FUNDC2: variants seen among roughly 807,000 people sequenced by gnomAD.
FUNDC2 encodes FUN14 domain containing 2.
In FUNDC2, 4 loss-of-function variants were observed where a neutral mutation model predicts 15.6. The observed-to-expected ratio is 0.26, with a 90% confidence interval of 0.13 to 0.59. FUNDC2 has a LOEUF of 0.59. Ranked by LOEUF, FUNDC2 falls within the 20% of genes least tolerant of loss-of-function variation. The probability of loss-of-function intolerance (pLI) is 0.90; values close to 1 mark genes in which losing one functional copy is unlikely to be tolerated. For synonymous variants in FUNDC2, 44 were observed against 56.9 expected, an observed-to-expected ratio of 0.77 and a Z score of 1.02; for missense variants, 98 against 149.7, an observed-to-expected ratio of 0.65 and a Z score of 1.80.
chrX:155,042,432 C>T (rs1557289706), intron 2 of FUNDC2, among the ~76,000 whole-genome samples: 2 of 110,052 alleles, frequency 1.8e-5, no homozygotes, highest in African/African-American at 3.3e-5. Flanking sequence ...GGTGATCCTC[C>T]TGCCTCAGCC....
rs1370708840 is a variant in FUNDC2, at chrX:155,059,101, T to C, written c.*4429T>C. 4.5e-5 allele frequency: 5 copies of C among 112,160 alleles called. No individual in the cohort carries two copies. Among genetic ancestry groups the C allele is most frequent in the African/African-American group, 6.5e-5 (2 of 30,806 alleles). The allele number at this position is 112,160 out of a possible 1,213,427, so 9.2% of individuals were successfully genotyped here. A position where few individuals can be genotyped will look rare whatever the true frequency, so the allele number is the denominator to read the frequency against. ...TTTAAAGTGTCTTAGCTTTTTCTAA[T>C]GAGCAGCAGAGACTGAGAACCACTG... On this transcript the variant is annotated 3_prime_UTR_variant, in exon 5 of 5. Coordinates refer to ENST00000369498, the MANE Select transcript of FUNDC2 (RefSeq NM_023934.4).
At chrX:155,041,343 CTTA>C (rs1156302454) in intron 2 of FUNDC2, among the ~76,000 whole-genome samples, 10 of 111,467 alleles carry the variant, frequency 9.0e-5, no homozygotes, top group African/African-American at 2.9e-4. Flanking sequence ...ATAATACATT[CTTA>C]TTATTTTTGC....
At chrX:155,043,989 C>G (rs782047567) in intron 2 of FUNDC2, among the ~76,000 whole-genome samples, 19 of 112,120 alleles carry the variant, frequency 1.7e-4, no homozygotes, top group African/African-American at 6.2e-4. Flanking sequence ...TTAACTTTCT[C>G]TCTTAGTGAG....
At position 155,055,822 on chromosome X, in the gene FUNDC2, G is replaced by T. The variant is rs2073893054; in HGVS notation, c.*1150G>T. On this transcript the variant is annotated 3_prime_UTR_variant, in exon 5 of 5. Coordinates refer to ENST00000369498, the MANE Select transcript of FUNDC2 (RefSeq NM_023934.4). ...TATTTGAATAATGACTTTATAGAAAGAAAACTCACTATTAAAGGTTAGTTT... is the reference window on the plus strand; with the variant it reads ...TATTTGAATAATGACTTTATAGAAATAAAACTCACTATTAAAGGTTAGTTT... 8.9e-6 allele frequency: 1 copy of T among 112,232 alleles called. No homozygotes were observed. The highest frequency in any genetic ancestry group is 3.3e-5 in the African/African-American group (1 of 30,755). 9.2% of individuals were successfully genotyped at this position (112,232 alleles called of 1,213,427 possible).
At chrX:155,031,144 G>T (rs781897135) in intron 1 of FUNDC2, among the ~76,000 whole-genome samples, 4 of 110,874 alleles carry the variant, frequency 3.6e-5, no homozygotes, top group Admixed American at 9.5e-5. Flanking sequence ...TTTCCATGTG[G>T]CATCATTTCT....
chrX:155,031,575 C>T (rs1246771723), intron 1 of FUNDC2, among the ~76,000 whole-genome samples: 1 of 112,644 alleles, frequency 8.9e-6, no homozygotes, highest in Non-Finnish European at 1.9e-5. Flanking sequence ...AGTGATCCGT[C>T]CCCCAGGCTT....
At chrX:155,032,121 G>C (rs887428713) in intron 1 of FUNDC2, among the ~76,000 whole-genome samples, 13 of 108,948 alleles carry the variant, frequency 1.2e-4, no homozygotes, top group Non-Finnish European at 1.7e-4. Context: ...GATTACAGGC[G>C]CATGCCACCA....
Position 155,055,121 on chromosome X carries a change from C to T in FUNDC2, c.*449C>T, listed in dbSNP as rs1268040849. On this transcript the variant is annotated 3_prime_UTR_variant, in exon 5 of 5. Transcript: ENST00000369498. ...CTTTAAGCATGAAAGATTTTGGTAT[C>T]TTGGTGTCTACTTTCTTTTTTAGTT... 3.4e-6 allele frequency: 1 copy of T among 296,283 alleles called. No individual in the cohort carries two copies. Among genetic ancestry groups the T allele is most frequent in the Non-Finnish European group, 5.9e-6 (1 of 170,527 alleles). The allele number at this position is 296,283 out of a possible 1,213,427, so 24.4% of individuals were successfully genotyped here.
Position 155,027,060 on chromosome X carries a change from C to A in FUNDC2, c.122C>A (p.Ala41Glu), listed in dbSNP as rs782698863. The change falls in exon 1 of 5, where the codon GCG becomes GAG. Residue 41 changes from alanine to glutamate, a missense_variant. Transcript: ENST00000369498. ...SSRDKLTEMA[A>E]SSQGNFEGNF... is the part of the protein sequence containing the mutation. ...CGAGACAAGCTCACCGAAATGGCCG[C>A]GTCCAGTCAAGGTAAGGGCGGGCGC... The A allele has an allele frequency of 5.9e-6, 7 of 1,184,106 alleles. No homozygotes were observed. The African/African-American group carries it at 7.1e-5, about 12-fold the overall frequency.
chrX:155,041,130 A>T (rs1482513029), intron 2 of FUNDC2, among the ~76,000 whole-genome samples: 2 of 110,972 alleles, frequency 1.8e-5, no homozygotes, highest in Non-Finnish European at 3.8e-5. Context: ...TTTCATAATT[A>T]TGTCCTTTGT....
intron 2 of FUNDC2, among the ~76,000 whole-genome samples, chrX:155,044,214 G>A (rs1557289847): frequency 1.8e-5 from 2 of 112,082 alleles, no homozygotes; most frequent in African/African-American, 6.5e-5. Flanking sequence ...AGGACTGTAT[G>A]AGCTGCTATA....
rs1569560258 is a variant in FUNDC2 at position 155,056,629 on chromosome X, T to C, written c.*1957T>C. On this transcript the variant is annotated 3_prime_UTR_variant, in exon 5 of 5. Transcript: ENST00000369498. Reference sequence around the variant, plus strand: ...TTCCTGCTTCCCCACACTCTGCCTCTCCTGACATCTGGGTCTCTGGGTTAT... The same window carrying C: ...TTCCTGCTTCCCCACACTCTGCCTCCCCTGACATCTGGGTCTCTGGGTTAT... 9.0e-6 allele frequency: 1 copy of C among 110,578 alleles called. No individual in the cohort carries two copies. The highest frequency in any genetic ancestry group is 9.6e-5 in the Admixed American group (1 of 10,369). 9.1% of individuals were successfully genotyped at this position (110,578 alleles called of 1,213,427 possible). A position where few individuals can be genotyped will look rare whatever the true frequency, so the allele number is the denominator to read the frequency against.
intron 3 of FUNDC2, chrX:155,049,477 T>G (rs968270221): frequency 5.3e-5 from 6 of 113,184 alleles, no homozygotes; most frequent in Admixed American, 4.6e-4. Context: ...ACACACTGTC[T>G]TGACTACTGT....
chrX:155,033,609 A>AC, intron 2 of FUNDC2, 56 bp downstream of exon 2: 1 of 1,093,734 alleles, frequency 9.1e-7, no homozygotes, highest in Non-Finnish European at 1.3e-6. Context: ...TATTGCAGTT[A>AC]TAGGTACCAT....
rs1417925482 is a variant in FUNDC2, at chrX:155,056,302, A to G, written c.*1630A>G. On this transcript the variant is annotated 3_prime_UTR_variant, in exon 5 of 5. Coordinates refer to ENST00000369498, the MANE Select transcript of FUNDC2 (RefSeq NM_023934.4). ...AAATATCAAAATGTCATTTTATCAT[A>G]TTTCAGTATGTATCTCTAAAAGGTA... The G allele has an allele frequency of 8.9e-5, 10 of 111,786 alleles. No individual in the cohort carries two copies. Among genetic ancestry groups the G allele is most frequent in the Admixed American group, 4.7e-4 (5 of 10,554 alleles). 9.2% of individuals were successfully genotyped at this position (111,786 alleles called of 1,213,427 possible).
chrX:155,032,039 G>A (rs1470551959), intron 1 of FUNDC2, among the ~76,000 whole-genome samples: 1 of 108,105 alleles, frequency 9.3e-6, no homozygotes, highest in Non-Finnish European at 1.9e-5. Context: ...GAAGTGGCGC[G>A]ATCTCGGCTC....
rs1183916245 is a variant in FUNDC2, at chrX:155,056,482, C to T, written c.*1810C>T. 9.2e-6 allele frequency: 1 copy of T among 108,916 alleles called. No individual in the cohort carries two copies. The highest frequency in any genetic ancestry group is 3.4e-5 in the African/African-American group (1 of 29,806). 9.0% of individuals were successfully genotyped at this position (108,916 alleles called of 1,213,427 possible). On this transcript the variant is annotated 3_prime_UTR_variant, in exon 5 of 5. Coordinates refer to ENST00000369498, the MANE Select transcript of FUNDC2 (RefSeq NM_023934.4). ...TCATGCAAGGTTCACATCGTATTTGCATGATTTGGATAAGTCTCTTAACCT... is the reference window on the plus strand; with the variant it reads ...TCATGCAAGGTTCACATCGTATTTGTATGATTTGGATAAGTCTCTTAACCT...
At position 155,027,004 on chromosome X, in the gene FUNDC2, C is replaced by T; in HGVS notation, c.66C>T (p.Ala22=). 5 of 1,204,340 alleles carry T rather than the reference C, an allele frequency of 4.2e-6. No individual in the cohort carries two copies. The highest frequency in any genetic ancestry group is 5.6e-6 in the Non-Finnish European group (5 of 892,178). ...VVATTARHSA[A]YRADPLRVSS... is the part of the protein sequence containing the mutation. ...CGACAACTGCGCGCCACTCCGCGGC[C>T]TACCGCGCAGATCCTCTACGTGTGT... is the stretch of plus-strand genomic sequence containing the variant. The change falls in exon 1 of 5, where the codon GCC becomes GCT. Residue 22 remains alanine (A), a synonymous_variant. Transcript: ENST00000369498.
Position 155,055,753 on chromosome X carries a change from T to A in FUNDC2, c.*1081T>A, listed in dbSNP as rs1290173570. 1 of 116,051 alleles carries A rather than the reference T, an allele frequency of 8.6e-6. No homozygotes were observed. The highest frequency in any genetic ancestry group is 3.2e-5 in the African/African-American group (1 of 30,882). The allele number at this position is 116,051 out of a possible 1,213,427, so 9.6% of individuals were successfully genotyped here. On this transcript the variant is annotated 3_prime_UTR_variant, in exon 5 of 5. Coordinates refer to ENST00000369498, the MANE Select transcript of FUNDC2 (RefSeq NM_023934.4). ...GCTTTCAGAGGGCAAGACTTCTGTC[T>A]TCACCATTATACTCACAGGGCCTAG...
Sources: allele counts gnomAD v4.1 joint callset (sites outside exome capture counted in the v4.1 genomes callset), GRCh38; gene constraint gnomAD v4.1.1; transcripts MANE v1.5; gene names NCBI Gene and HGNC (gene_info 2026-07-23, HGNC 2026-07-21).